POMT1: variants seen among roughly 807,000 people sequenced by gnomAD.
POMT1 encodes protein O-mannosyltransferase 1.
Under a neutral mutation model 101.6 loss-of-function variants are expected in POMT1, and 85 were observed. The ratio of observed to expected loss-of-function variants is 0.84; its 90% confidence interval spans 0.70 to 1.00. POMT1 has a LOEUF of 1.00. Ranked by LOEUF, POMT1 falls within the 50% of genes least tolerant of loss-of-function variation. The pLI is 0.00. For missense variants in POMT1, 857 were observed against 930.4 expected (o/e 0.92, Z 1.03); for synonymous variants, 371 against 383.0 (o/e 0.97, Z 0.37).
intron 3 of POMT1, 71 bp downstream of exon 3, chr9:131,506,291 T>G (rs1945799436): frequency 2.5e-6 from 4 of 1,576,646 alleles, no homozygotes; most frequent in Middle Eastern, 1.7e-4. Flanking sequence ...TCAGTGCATT[T>G]CTTACAGGCA....
At chr9:131,517,802 G>C (rs1396920087) in intron 13 of POMT1, among the ~76,000 whole-genome samples, 1 of 152,244 alleles carries the variant, frequency 6.6e-6, no homozygotes, top group Non-Finnish European at 1.5e-5. Context: ...GAACAAGGAA[G>C]GAGGGAGCAT....
At position 131,519,973 on chromosome 9, in the gene POMT1, TG is replaced by T; in HGVS notation, c.1585-104del. The T allele has an allele frequency of 1.2e-6, 1 of 815,084 alleles. No individual in the cohort carries two copies. Among genetic ancestry groups the T allele is most frequent in the Non-Finnish European group, 2.1e-6 (1 of 483,402 alleles). 50.5% of individuals were successfully genotyped at this position (815,084 alleles called of 1,614,324 possible). ...ATGCATGATCCGAATGAACTTGAGC[TG>T]GGCCAGTCCACGTGCAAGGGGCAGC... On this transcript the variant is annotated intron_variant, in intron 16 of 19. Transcript: ENST00000402686. This position sits in a 1 kb window ranked among gnomAD's most constrained non-coding sequence, Gnocchi z 4.3.
At chr9:131,507,621 T>C (rs1946143861) in intron 5 of POMT1, 107 bp downstream of exon 5, 1 of 1,499,016 alleles carries the variant, frequency 6.7e-7, no homozygotes, top group Non-Finnish European at 9.2e-7. Flanking sequence ...AGAAAGTGCA[T>C]CTGGTTCATC....
chr9:131,512,190 G>T, intron 11 of POMT1, 54 bp downstream of exon 11: 2 of 1,596,794 alleles, frequency 1.3e-6, no homozygotes, highest in Non-Finnish European at 1.7e-6. Flanking sequence ...GCCTGGCCAG[G>T]CGAGACCCTG....
Position 131,522,787 on chromosome 9 carries a change from G to A in POMT1, c.2004-145G>A, listed in dbSNP as rs548377440. The A allele has an allele frequency of 1.6e-5, 14 of 895,082 alleles. No homozygotes were observed. In the South Asian group the frequency reaches 2.1e-4, roughly 13 times the overall value. The allele number at this position is 895,082 out of a possible 1,614,324, so 55.4% of individuals were successfully genotyped here. ...GCATCCAGGTGGGAGATGGTCATGG[G>A]TGGCAGGAGACAAGACACAGAAACC... On this transcript the variant is annotated intron_variant, in intron 19 of 19. Coordinates refer to ENST00000402686, the MANE Select transcript of POMT1 (RefSeq NM_001077365.2). The surrounding 1 kb of genome is among the most constrained non-coding windows in gnomAD (Gnocchi z 5.5).
chr9:131,506,484 G>T, intron 4 of POMT1, 31 bp downstream of exon 4: 1 of 1,581,356 alleles, frequency 6.3e-7, no homozygotes, highest in South Asian at 1.1e-5. Context: ...CCCTTTTAAT[G>T]TGCGCAGGTT....
chr9:131,518,716 ATC>A, intron 14 of POMT1, 119 bp from the exon 15 acceptor site: 1 of 1,532,876 alleles, frequency 6.5e-7, no homozygotes, highest in African/African-American at 1.4e-5. Flanking sequence ...CCCAATGTGA[ATC>A]TCCCACAAGG....
intron 9 of POMT1, 165 bp downstream of exon 9, chr9:131,510,580 C>T: frequency 1.0e-6 from 1 of 958,024 alleles, no homozygotes; most frequent in Non-Finnish European, 1.6e-6. Context: ...TACTCTGTCA[C>T]CCAAACTCCG....
intron 17 of POMT1, 151 bp downstream of exon 17, chr9:131,520,344 G>T: frequency 4.0e-6 from 3 of 757,404 alleles, no homozygotes; most frequent in Non-Finnish European, 6.9e-6. Flanking sequence ...TTCTCTAAAC[G>T]CTTTGGCAAC....
intron 13 of POMT1, among the ~76,000 whole-genome samples, chr9:131,517,770 T>G (rs1477645335): frequency 1.3e-5 from 2 of 152,206 alleles, no homozygotes; most frequent in Admixed American, 1.3e-4. Context: ...GGAGCCCACA[T>G]TTCAGGTGTC....
At position 131,503,916 on chromosome 9, in the gene POMT1, G is replaced by A. The variant is rs368692177; in HGVS notation, c.-30-273G>A. On this transcript the variant is annotated intron_variant, in intron 1 of 19. Transcript: ENST00000402686. The surrounding 1 kb of genome is among the most constrained non-coding windows in gnomAD (Gnocchi z 4.4). ...CCTGGCGTTCCTTAGCAGTGTTCTC[G>A]CGCCCAAGACGTGCTCGGCAGGTTT... Among the ~76,000 whole-genome samples the A allele has an allele frequency of 2.0e-5, 3 of 152,288 alleles. No homozygotes were observed. Among genetic ancestry groups the A allele is most frequent in the South Asian group, 2.1e-4 (1 of 4,826 alleles).
At chr9:131,516,203 C>T (rs1490338364) in intron 13 of POMT1, among the ~76,000 whole-genome samples, 2 of 145,728 alleles carry the variant, frequency 1.4e-5, no homozygotes, top group Admixed American at 6.9e-5. Flanking sequence ...GACACTTCCT[C>T]ACACAGAGCA....
chr9:131,515,295 G>A (rs547182756), intron 12 of POMT1, 131 bp from the exon 13 acceptor site: 1 of 886,628 alleles, frequency 1.1e-6, no homozygotes, highest in Admixed American at 1.8e-5. Flanking sequence ...GCAACTCATG[G>A]GACTGGGCCA....
chr9:131,510,399 T>C lies in POMT1; in HGVS notation c.839T>C (p.Phe280Ser). Residue 280 changes from phenylalanine to serine, a missense_variant, in exon 9 of 20, where the codon TTC (phenylalanine) becomes TCC (serine). Physicochemically the swap from Phe to Ser is radical, Grantham distance 155. Coordinates refer to ENST00000402686, the MANE Select transcript of POMT1 (RefSeq NM_001077365.2). The stretch of plus-strand genomic sequence containing the variant: ...CACGACCAAATCATGTCCAGTGCCT[T>C]CCAGGCCAGCTTAGAGGTAAGTAAG... Reference protein sequence around the residue: ...GPHDQIMSSAFQASLEGGLAR... With the variant: ...GPHDQIMSSASQASLEGGLAR... 1 of 1,614,180 alleles carries C rather than the reference T, an allele frequency of 6.2e-7. No homozygotes were observed. The highest frequency in any genetic ancestry group is 2.2e-5 in the East Asian group (1 of 44,884).
At chr9:131,517,791 A>G (rs2131835135) in intron 13 of POMT1, among the ~76,000 whole-genome samples, 1 of 152,316 alleles carries the variant, frequency 6.6e-6, no homozygotes, top group African/African-American at 2.4e-5. Flanking sequence ...TGAAGTTCAT[A>G]GAACAAGGAA....
rs1948320192 is a variant in POMT1, at chr9:131,515,839, C to CTA, written c.1272+317_1272+318insTA. ...CTTCCTCTAACACAGGACACTTCCT[C>CTA]ACACGGAGCACTTCCTCACAGGGAG... On this transcript the variant is annotated intron_variant, in intron 13 of 19. Coordinates refer to ENST00000402686, the MANE Select transcript of POMT1 (RefSeq NM_001077365.2). Among the ~76,000 whole-genome samples the CTA allele has an allele frequency of 2.3e-5, 3 of 130,116 alleles. 1 individual carries two copies. Among genetic ancestry groups the CTA allele is most frequent in the African/African-American group, 8.6e-5 (3 of 34,962 alleles). The allele number at this position is 130,116 out of a possible 152,430, so 85.4% of individuals were successfully genotyped here.
chr9:131,509,721 A>G (rs537480047), intron 6 of POMT1, 22 bp from the exon 7 acceptor site: 1 of 1,614,108 alleles, frequency 6.2e-7, no homozygotes, highest in South Asian at 1.1e-5. Context: ...TTCTGTCTCC[A>G]TCTGCTTTGT....
chr9:131,514,893 T>C (rs113167029), intron 12 of POMT1, among the ~76,000 whole-genome samples: 4,003 of 152,170 alleles, frequency 0.026, 158 homozygotes, highest in African/African-American at 0.089. Flanking sequence ...GAGGCAGAGA[T>C]TGCAGTGAGC....
chr9:131,513,433 C>A, intron 12 of POMT1, 102 bp downstream of exon 12: 1 of 1,066,242 alleles, frequency 9.4e-7, no homozygotes, highest in Non-Finnish European at 1.4e-6. Flanking sequence ...TGCCCCCTGT[C>A]TACCCATCAT....
Sources: gnomAD v4.1 joint callset for allele counts (sites outside exome capture counted in the v4.1 genomes callset) on GRCh38, gnomAD v4.1.1 for gene constraint, Gnocchi (gnomAD v3.1) non-coding constraint, MANE v1.5 for transcripts, NCBI Gene and HGNC (gene_info 2026-07-23, HGNC 2026-07-21) for gene names.